Variants in CUBN observed in about 807,000 individuals in gnomAD.
The protein encoded by CUBN is 460 kDa receptor.
In CUBN, 282 loss-of-function variants were observed where a neutral mutation model predicts 405.3. The observed-to-expected ratio is 0.70, with a 90% CI of 0.63 to 0.77. The LOEUF (loss-of-function observed/expected upper bound fraction) is 0.77, where lower values mean the gene tolerates loss of function less well. Among genes scored for constraint, CUBN ranks in the 30% least tolerant of loss-of-function variants. The pLI is 0.00. For synonymous variants in CUBN, 1,684 were observed against 1,617.0 expected (o/e 1.04, Z -0.99); for missense variants, 4,514 against 4,475.2 (o/e 1.01, Z -0.25).
At chr10:16,981,209 G>C (rs148791396) in intron 31 of CUBN, among the ~76,000 whole-genome samples, 1 of 43,930 alleles carries the variant, frequency 2.3e-5, no homozygotes, top group Non-Finnish European at 9.4e-5. Flanking sequence ...ACACAGAAGA[G>C]AGAAGTGTCT....
chr10:17,128,017 C>G, intron 2 of CUBN, 93 bp from the exon 3 acceptor site: 1 of 841,510 alleles, frequency 1.2e-6, no homozygotes, highest in South Asian at 1.5e-5. Context: ...GAGTAGTATT[C>G]TACTTTAAGC....
chr10:16,891,033 T>G (rs1241861170), intron 54 of CUBN, among the ~76,000 whole-genome samples: 1 of 152,170 alleles, frequency 6.6e-6, no homozygotes, highest in Non-Finnish European at 1.5e-5. Flanking sequence ...AGAACACTTC[T>G]TGGCTGTGTG....
At chr10:16,972,729 C>A (rs55634106) in intron 31 of CUBN, among the ~76,000 whole-genome samples, 1 of 151,736 alleles carries the variant, frequency 6.6e-6, no homozygotes, top group African/African-American at 2.4e-5. Flanking sequence ...CCCGGCCATT[C>A]ATTCATTCTT....
At position 17,109,696 on chromosome 10, in the gene CUBN, A is replaced by T. The variant is rs534263441; in HGVS notation, c.1055T>A (p.Ile352Asn). The part of the protein sequence containing the change: ...GDGRVCTLTD[I>N]CSVSNGGCHP... ...GCAGCCTCCATTACTGACTGAGCAG[A>T]TGTCTGTGAGTGTGCACACTCTTCC... The change falls in exon 10 of 67, where the codon ATC becomes AAC. Residue 352 changes from isoleucine (I) to asparagine (N), a missense_variant. Coordinates refer to ENST00000377833, the MANE Select transcript of CUBN (RefSeq NM_001081.4). The T allele has an allele frequency of 6.2e-7, 1 of 1,613,958 alleles. No individual in the cohort carries two copies. The highest frequency in any genetic ancestry group is 2.2e-5 in the East Asian group (1 of 44,858).
chr10:17,001,234 C>T (rs1374823645), intron 28 of CUBN, among the ~76,000 whole-genome samples: 1 of 152,190 alleles, frequency 6.6e-6, no homozygotes, highest in Non-Finnish European at 1.5e-5. Context: ...GAGTGAGCAG[C>T]AGCAAGATTT....
intron 58 of CUBN, among the ~76,000 whole-genome samples, chr10:16,873,273 T>C (rs774252025): frequency 3.1e-4 from 47 of 152,174 alleles, no homozygotes; most frequent in Non-Finnish European, 5.6e-4. Context: ...TTTATCATTC[T>C]GGAGAGTGGG....
chr10:17,077,418 A>T (rs1349066716), intron 17 of CUBN, among the ~76,000 whole-genome samples: 2 of 152,224 alleles, frequency 1.3e-5, no homozygotes, highest in African/African-American at 4.8e-5. Context: ...GAGCCTAGTG[A>T]GTCGTGAGCT....
chr10:16,912,440 T>C (rs1222021843), intron 48 of CUBN, among the ~76,000 whole-genome samples: 1 of 152,028 alleles, frequency 6.6e-6, no homozygotes, highest in Non-Finnish European at 1.5e-5. Context: ...CACATTCTAG[T>C]GGGGGAAGCA....
Position 16,896,708 on chromosome 10 carries a change from G to A in CUBN, c.8598+2288C>T, listed in dbSNP as rs1841192669. ...TTGAACCTATAGGTGTGTCTCTTTT[G>A]CCAAATTTGGGAAAGTTTACAGCCA... On this transcript the variant is annotated intron_variant, in intron 54 of 66. Coordinates refer to ENST00000377833, the MANE Select transcript of CUBN (RefSeq NM_001081.4). 3.3e-5 allele frequency among the ~76,000 whole-genome samples: 5 copies of A among 152,206 alleles called. No homozygotes were observed. The South Asian group carries it at 8.3e-4, about 25-fold the overall frequency.
chr10:16,935,388 A>G (rs769071274), intron 39 of CUBN, among the ~76,000 whole-genome samples: 1 of 151,966 alleles, frequency 6.6e-6, no homozygotes, highest in Non-Finnish European at 1.5e-5. Context: ...CCTGGGCTTC[A>G]AGCAACCCTC....
At chr10:17,112,006 C>G (rs1836782294) in intron 8 of CUBN, among the ~76,000 whole-genome samples, 1 of 152,060 alleles carries the variant, frequency 6.6e-6, no homozygotes, top group Non-Finnish European at 1.5e-5. Flanking sequence ...TGCATATGTG[C>G]TTGTACAAAT....
In CUBN at chr10:17,013,487, C is replaced by A. The variant is rs190819471; in HGVS notation, c.4168+6346G>T. On this transcript the variant is annotated intron_variant, in intron 28 of 66. Transcript: ENST00000377833. ...GGTCTTTCCCTGCCTCTGCCAGCCA[C>A]TTATGCTGCTGTTCTCCTCTCTCCT... is the stretch of plus-strand genomic sequence containing the variant. Among the ~76,000 whole-genome samples, 37 of 152,252 alleles carry A rather than the reference C, an allele frequency of 2.4e-4. No homozygotes were observed. In the East Asian group the frequency reaches 4.8e-3, roughly 20 times the overall value.
At chr10:16,827,598 T>G (rs1234005464) in intron 66 of CUBN, among the ~76,000 whole-genome samples, 1 of 152,214 alleles carries the variant, frequency 6.6e-6, no homozygotes, top group African/African-American at 2.4e-5. Context: ...CAATTTTCCC[T>G]TACTTACTCT....
At chr10:16,922,847 C>CT (rs74700842) in intron 43 of CUBN, among the ~76,000 whole-genome samples, 24,569 of 139,998 alleles carry the variant, frequency 0.18, 2,249 homozygotes, top group Non-Finnish European at 0.21. Context: ...ATACCATGTT[C>CT]TTTTTTTTTT....
chr10:16,858,203 C>T (rs1290427911), intron 59 of CUBN, among the ~76,000 whole-genome samples: 1 of 152,136 alleles, frequency 6.6e-6, no homozygotes, highest in African/African-American at 2.4e-5. Flanking sequence ...TTGGAAAACT[C>T]AACATAGTAA....
intron 31 of CUBN, 80 bp from the exon 32 acceptor site, chr10:16,954,628 G>T (rs115376431): frequency 1.4e-6 from 2 of 1,434,744 alleles, no homozygotes; most frequent in East Asian, 2.4e-5. Context: ...TCTGCACGCC[G>T]ATATACTAGT....
intron 14 of CUBN, among the ~76,000 whole-genome samples, chr10:17,093,502 TC>T (rs1361495410): frequency 1.3e-5 from 2 of 151,810 alleles, no homozygotes; most frequent in Non-Finnish European, 2.9e-5. Context: ...TTGAAATAGG[TC>T]CCCTGTAAAT....
At chr10:16,943,273 G>C (rs1241536427) in intron 36 of CUBN, among the ~76,000 whole-genome samples, 1 of 152,102 alleles carries the variant, frequency 6.6e-6, no homozygotes, top group Non-Finnish European at 1.5e-5. Flanking sequence ...CACCAAGGTG[G>C]GTCACTACAG....
intron 43 of CUBN, among the ~76,000 whole-genome samples, chr10:16,923,083 C>T (rs1842083871): frequency 6.6e-6 from 1 of 152,086 alleles, no homozygotes; most frequent in African/African-American, 2.4e-5. Context: ...AGTGATCCTC[C>T]TGCCTTGGCT....
Sources: gnomAD v4.1 joint callset for allele counts (sites outside exome capture counted in the v4.1 genomes callset) on GRCh38, gnomAD v4.1.1 for gene constraint, MANE v1.5 for transcripts, NCBI Gene and HGNC (gene_info 2026-07-23, HGNC 2026-07-21) for gene names.